PDE8B: variants seen among roughly 807,000 people sequenced by gnomAD.
The protein encoded by PDE8B is phosphodiesterase 8B.
PDE8B carries 26 observed loss-of-function variants against 101.3 expected under a neutral mutation model. The ratio of observed to expected loss-of-function variants is 0.26; its 90% CI spans 0.19 to 0.36. PDE8B has a LOEUF of 0.36. Ranked by LOEUF, PDE8B falls within the 10% of genes least tolerant of loss-of-function variation. The pLI is 1.00. For missense variants in PDE8B, 810 were observed against 1,163.1 expected, an observed-to-expected ratio of 0.70 and a Z score of 4.42; for synonymous variants, 424 against 429.3, an observed-to-expected ratio of 0.99 and a Z score of 0.15.
the PDE8B span, among the ~76,000 whole-genome samples, chr5:77,165,994 A>G: frequency 3.0e-5 from 4 of 132,234 alleles, no homozygotes; most frequent in African/African-American, 1.0e-4. Context: ...AAAAAAAAGA[A>G]AAAGAAAAAA....
chr5:77,136,249 T>C, the PDE8B span, among the ~76,000 whole-genome samples: 2 of 152,250 alleles, frequency 1.3e-5, no homozygotes, highest in Non-Finnish European at 2.9e-5. Context: ...ATTTATTCCC[T>C]ACCTTGTCTC....
At chr5:77,200,326 ACGAATAAAAATT>A in the PDE8B span, among the ~76,000 whole-genome samples, 1 of 152,246 alleles carries the variant, frequency 6.6e-6, no homozygotes, top group Non-Finnish European at 1.5e-5. Flanking sequence ...GGATAGGATC[ACGAATAAAAATT>A]TGCAAATAAA....
At chr5:77,155,972 G>T in the PDE8B span, among the ~76,000 whole-genome samples, 1 of 152,196 alleles carries the variant, frequency 6.6e-6, no homozygotes, top group Non-Finnish European at 1.5e-5. Flanking sequence ...CATCTGTAAT[G>T]ACGGAAGGGA....
At position 77,364,394 on chromosome 5, in the gene PDE8B, G is replaced by A. The variant is rs149950645; in HGVS notation, c.1167+10988G>A. Among the ~76,000 whole-genome samples, 14 of 152,258 alleles carry A rather than the reference G, an allele frequency of 9.2e-5. No homozygotes were observed. In the East Asian group the frequency reaches 2.1e-3, roughly 23 times the overall value. On this transcript the variant is annotated intron_variant, in intron 10 of 21. Transcript: ENST00000264917. ...ATTAGACTCAAGCGTCTGGATCTTC[G>A]CTTCTGTGGTGCCTCATTTAAATAA... is the stretch of plus-strand genomic sequence containing the variant.
At chr5:77,343,575 TG>T (rs1779606453) in intron 6 of PDE8B, among the ~76,000 whole-genome samples, 1 of 152,162 alleles carries the variant, frequency 6.6e-6, no homozygotes, top group South Asian at 2.1e-4. Context: ...TTGCTCTGGG[TG>T]AGCTGGTGAG....
intron 21 of PDE8B, 113 bp downstream of exon 21, chr5:77,426,009 G>T: frequency 8.8e-7 from 1 of 1,137,630 alleles, no homozygotes; most frequent in Non-Finnish European, 1.3e-6. Flanking sequence ...TAAAAATGTG[G>T]CTGTCAGCTT....
At chr5:77,092,363 T>G in the PDE8B span, 2 of 152,182 alleles carry the variant, frequency 1.3e-5, no homozygotes, top group Admixed American at 6.5e-5. Flanking sequence ...TTTTCTTCTT[T>G]GCCCTACATC....
At chr5:77,233,671 T>A (rs1341371156) in intron 1 of PDE8B, among the ~76,000 whole-genome samples, 2 of 103,740 alleles carry the variant, frequency 1.9e-5, no homozygotes, top group African/African-American at 4.4e-5. Context: ...TGTGTGTGTG[T>A]GTGTGTGTGT....
At chr5:77,232,889 T>G (rs1753860066) in intron 1 of PDE8B, among the ~76,000 whole-genome samples, 1 of 152,172 alleles carries the variant, frequency 6.6e-6, no homozygotes, top group Non-Finnish European at 1.5e-5. Flanking sequence ...ATATAAATAA[T>G]ACAAATGCAA....
chr5:77,212,096 T>C (rs976156078), intron 1 of PDE8B, among the ~76,000 whole-genome samples: 1 of 152,216 alleles, frequency 6.6e-6, no homozygotes, highest in Non-Finnish European at 1.5e-5. Context: ...AAAATAATTA[T>C]TTAAATAGTG....
At chr5:77,299,017 G>A (rs1769253229) in intron 1 of PDE8B, among the ~76,000 whole-genome samples, 1 of 152,176 alleles carries the variant, frequency 6.6e-6, no homozygotes, top group Non-Finnish European at 1.5e-5. Flanking sequence ...GTTTCATCTT[G>A]ACATAAAAAT....
At chr5:77,390,954 A>G (rs769433654) in intron 10 of PDE8B, among the ~76,000 whole-genome samples, 20 of 152,206 alleles carry the variant, frequency 1.3e-4, no homozygotes, top group Non-Finnish European at 2.5e-4. Context: ...GAGTGCCATC[A>G]TGATTAGACT....
chr5:77,336,146 T>A (rs933141438), intron 5 of PDE8B, among the ~76,000 whole-genome samples: 2 of 152,224 alleles, frequency 1.3e-5, no homozygotes, highest in African/African-American at 4.8e-5. Flanking sequence ...ATTATTTGCT[T>A]ATCTATCTGT....
intron 1 of PDE8B, among the ~76,000 whole-genome samples, chr5:77,305,973 G>T: frequency 6.6e-6 from 1 of 152,182 alleles, no homozygotes; most frequent in Non-Finnish European, 1.5e-5. Flanking sequence ...TTCTAAAGGA[G>T]AAGTCATTGA....
intron 9 of PDE8B, 94 bp from the exon 10 acceptor site, chr5:77,353,252 A>T (rs1018554317): frequency 3.8e-6 from 3 of 781,980 alleles, no homozygotes; most frequent in Non-Finnish European, 6.9e-6. Flanking sequence ...CGAACCCTGG[A>T]GTTTAGCTTT....
the PDE8B span, among the ~76,000 whole-genome samples, chr5:77,143,609 A>G: frequency 6.6e-6 from 1 of 152,238 alleles, no homozygotes; most frequent in Non-Finnish European, 1.5e-5. Context: ...TTTGAAAAAT[A>G]GCCCTTTAGG....
the PDE8B span, among the ~76,000 whole-genome samples, chr5:77,091,170 TAGAAG>T: frequency 6.6e-6 from 1 of 152,156 alleles, no homozygotes; most frequent in East Asian, 1.9e-4. Context: ...TGATGTCGAG[TAGAAG>T]AGAAGATTTA....
rs185263294 is a variant in PDE8B, at chr5:77,213,761, C to G, written c.339+2497C>G. Reference sequence around the variant, plus strand: ...CAATTATGAAGTGTATCCTCATTATCTACTTGGCCTCTGGTATTCCCCAGA... The same window carrying G: ...CAATTATGAAGTGTATCCTCATTATGTACTTGGCCTCTGGTATTCCCCAGA... On this transcript the variant is annotated intron_variant, in intron 1 of 21. Transcript: ENST00000264917. 1.9e-4 allele frequency among the ~76,000 whole-genome samples: 29 copies of G among 151,800 alleles called. No individual in the cohort carries two copies. In the East Asian group the frequency reaches 4.7e-3, roughly 25 times the overall value.
the PDE8B span, among the ~76,000 whole-genome samples, chr5:77,188,568 C>T: frequency 2.1e-4 from 32 of 152,216 alleles, no homozygotes; most frequent in East Asian, 5.8e-3. Flanking sequence ...TAACTTCTGT[C>T]GGAAAGACCA....
Sources: allele counts gnomAD v4.1 joint callset (sites outside exome capture counted in the v4.1 genomes callset), GRCh38; gene constraint gnomAD v4.1.1; transcripts MANE v1.5; gene names NCBI Gene and HGNC (gene_info 2026-07-23, HGNC 2026-07-21).